LDHAL6A: variants seen among roughly 807,000 people sequenced by gnomAD.
The protein encoded by LDHAL6A is lactate dehydrogenase A like 6A.
In LDHAL6A, 19 loss-of-function variants were observed where a neutral mutation model predicts 28.2. The ratio of observed to expected loss-of-function variants is 0.67; its 90% CI spans 0.47 to 0.99. LDHAL6A has a LOEUF of 0.99. LDHAL6A is among the 50% of genes least tolerant of loss of function. The probability of loss-of-function intolerance (pLI) is 0.00; values close to 1 mark genes in which losing one functional copy is unlikely to be tolerated. For missense variants in LDHAL6A, 372 were observed against 398.6 expected (o/e 0.93, Z 0.57); for synonymous variants, 144 against 134.4 (o/e 1.07, Z -0.49).
chr11:18,466,278 A>G (rs1849070693), intron 3 of LDHAL6A, among the ~76,000 whole-genome samples: 1 of 84,406 alleles, frequency 1.2e-5, no homozygotes, highest in Admixed American at 1.3e-4. Context: ...CACCAGTATA[A>G]TTCCAGAATC....
rs1211687567 is a variant in LDHAL6A at position 18,479,312 on chromosome 11, CACTT to C, written c.*443_*446del. ...GATTTAGTATCCAGATGATAGATGACACTTTTTTTTTTTTTTTTTTAAAGTGACG... is the reference window on the plus strand; with the variant it reads ...GATTTAGTATCCAGATGATAGATGACTTTTTTTTTTTTTTTTAAAGTGACG... On this transcript the variant is annotated 3_prime_UTR_variant, in exon 7 of 7. Coordinates refer to ENST00000280706, the MANE Select transcript of LDHAL6A (RefSeq NM_144972.5). The C allele has an allele frequency of 2.8e-5, 4 of 145,394 alleles. No individual in the cohort carries two copies. The highest frequency in any genetic ancestry group is 1.1e-4 in the African/African-American group (4 of 38,040). 9.0% of individuals were successfully genotyped at this position (145,394 alleles called of 1,614,324 possible).
chr11:18,457,019 G>C (rs1848777268), intron 1 of LDHAL6A, among the ~76,000 whole-genome samples: 1 of 152,184 alleles, frequency 6.6e-6, no homozygotes, highest in Non-Finnish European at 1.5e-5. Context: ...AAGCATCTCT[G>C]TGAAAGTATG....
At chr11:18,463,806 T>C (rs954550212) in intron 1 of LDHAL6A, among the ~76,000 whole-genome samples, 155 bp from the exon 2 acceptor site, 4 of 152,366 alleles carry the variant, frequency 2.6e-5, no homozygotes, top group South Asian at 4.1e-4. Flanking sequence ...GTTTAGACTT[T>C]TATATCATGA....
rs532009378 is a variant in LDHAL6A at position 18,478,903 on chromosome 11, T to C, written c.*33T>C. 3 of 1,545,240 alleles carry C rather than the reference T, an allele frequency of 1.9e-6. No individual in the cohort carries two copies. The highest frequency in any genetic ancestry group is 2.8e-5 in the African/African-American group (2 of 72,636). ...TAAAGCTAATTCTGTAGATTGAAGA[T>C]GAAATAGTAGTTATGGAATTGTATA... On this transcript the variant is annotated 3_prime_UTR_variant, in exon 7 of 7. Transcript: ENST00000280706.
At position 18,465,782 on chromosome 11, in the gene LDHAL6A, C is replaced by T; in HGVS notation, c.390C>T (p.His130=). 1.9e-6 allele frequency: 3 copies of T among 1,611,380 alleles called. No homozygotes were observed. Among genetic ancestry groups the T allele is most frequent in the Non-Finnish European group, 2.5e-6 (3 of 1,179,130 alleles). ...CCAATATTACCCAGTACAGTCCTCA[C>T]TGCAAACTGCTTATTGTTACTAATC... The part of the protein sequence containing the change: ...MIPNITQYSP[H]CKLLIVTNPV... The change falls in exon 3 of 7, where the codon CAC becomes CAT. Residue 130 remains histidine (H), a synonymous_variant. Coordinates refer to ENST00000280706, the MANE Select transcript of LDHAL6A (RefSeq NM_144972.5).
At position 18,475,595 on chromosome 11, in the gene LDHAL6A, A is replaced by C. The variant is rs1565075528; in HGVS notation, c.548A>C (p.Glu183Ala). The C allele has an allele frequency of 6.2e-7, 1 of 1,614,140 alleles. No homozygotes were observed. Among genetic ancestry groups the C allele is most frequent in the Non-Finnish European group, 8.5e-7 (1 of 1,180,022 alleles). ...FIGQRLGIHS[E>A]SCHGLILGEH... The stretch of plus-strand genomic sequence containing the variant: ...GGGCAAAGGCTTGGCATCCACTCTG[A>C]AAGCTGTCATGGGCTGATCCTTGGA... Residue 183 changes from glutamate to alanine, a missense_variant, in exon 4 of 7, where the codon GAA becomes GCA. Glu to Ala is a moderately radical substitution (Grantham distance 107, BLOSUM62 -1). This residue lies in a region of LDHAL6A where 291 missense variants were observed against 302.9 expected (regional missense o/e 0.96). Coordinates refer to ENST00000280706, the MANE Select transcript of LDHAL6A (RefSeq NM_144972.5).
intron 6 of LDHAL6A, among the ~76,000 whole-genome samples, chr11:18,478,376 T>A (rs1219716980): frequency 1.3e-5 from 2 of 152,060 alleles, no homozygotes; most frequent in Non-Finnish European, 2.9e-5. Flanking sequence ...AACTGAACAA[T>A]AAATATGTCT....
In LDHAL6A at chr11:18,456,632, A is replaced by G; in HGVS notation, c.-49A>G. ...GGAATTCCAAGCCATTTCCAATTCC[A>G]GGTCTTGGAAATGGCTGTGCAATTT... On this transcript the variant is annotated 5_prime_UTR_variant, in exon 1 of 7. Transcript: ENST00000280706. The G allele has an allele frequency of 6.3e-7, 1 of 1,587,524 alleles. No individual in the cohort carries two copies. The highest frequency in any genetic ancestry group is 8.6e-7 in the Non-Finnish European group (1 of 1,158,120).
rs1849485362 is a variant in LDHAL6A at position 18,479,506 on chromosome 11, C to CT, written c.*637dup. The CT allele has an allele frequency of 6.6e-6, 1 of 151,836 alleles. No individual in the cohort carries two copies. Among genetic ancestry groups the CT allele is most frequent in the African/African-American group, 2.4e-5 (1 of 41,266 alleles). 9.4% of individuals were successfully genotyped at this position (151,836 alleles called of 1,614,324 possible). ...CTTAATACCTATGTTCATTTACATG[C>CT]TATCTCTACAATGTAAAAATAAAAG... On this transcript the variant is annotated 3_prime_UTR_variant, in exon 7 of 7. Transcript: ENST00000280706.
chr11:18,464,977 G>GTTTGTTTTTTTTTT (rs1849013732), intron 2 of LDHAL6A, among the ~76,000 whole-genome samples: 7 of 125,564 alleles, frequency 5.6e-5, no homozygotes, highest in Middle Eastern at 4.2e-3. Flanking sequence ...TGTTTTTTTT[G>GTTTGTTTTTTTTTT]TTTTTTTTTG....
intron 3 of LDHAL6A, among the ~76,000 whole-genome samples, chr11:18,467,880 C>A (rs12786468): frequency 2.3e-5 from 1 of 44,412 alleles, no homozygotes; most frequent in Non-Finnish European, 3.5e-5. Context: ...TATATACACA[C>A]ATATATATAT....
At chr11:18,470,814 G>A (rs1409160329) in intron 3 of LDHAL6A, among the ~76,000 whole-genome samples, 1 of 151,794 alleles carries the variant, frequency 6.6e-6, no homozygotes, top group Non-Finnish European at 1.5e-5. Flanking sequence ...AGCCTCCCAA[G>A]TAGCTGGAAT....
chr11:18,467,424 C>T (rs1249139337), intron 3 of LDHAL6A, among the ~76,000 whole-genome samples: 2 of 152,092 alleles, frequency 1.3e-5, no homozygotes, highest in African/African-American at 4.8e-5. Flanking sequence ...TTACTACATA[C>T]GTTTTTCTCC....
chr11:18,468,069 A>ATACG (rs1849165982), intron 3 of LDHAL6A, among the ~76,000 whole-genome samples: 1 of 119,676 alleles, frequency 8.4e-6, no homozygotes, highest in African/African-American at 3.2e-5. Context: ...ATACATATAT[A>ATACG]TATATATATT....
Position 18,477,748 on chromosome 11 carries a change from G to T in LDHAL6A, c.834+5G>T. 2 of 1,589,082 alleles carry T rather than the reference G, an allele frequency of 1.3e-6. No homozygotes were observed. The highest frequency in any genetic ancestry group is 1.7e-6 in the Non-Finnish European group (2 of 1,171,418). On this transcript the variant is annotated splice_donor_5th_base_variant and intron_variant, in intron 6 of 6. Coordinates refer to ENST00000280706, the MANE Select transcript of LDHAL6A (RefSeq NM_144972.5). The stretch of plus-strand genomic sequence containing the variant: ...CCAGTTTCTACCCTAAGTAAGGTAG[G>T]ACATTCATGTTCGAAAAATCATTAA...
At chr11:18,476,569 G>C in intron 5 of LDHAL6A, 68 bp downstream of exon 5, 1 of 1,549,820 alleles carries the variant, frequency 6.5e-7, no homozygotes, top group Non-Finnish European at 8.7e-7. Flanking sequence ...AGAAGGTTGA[G>C]ATTAGTCCCT....
chr11:18,460,026 T>G (rs1006040458), intron 1 of LDHAL6A, among the ~76,000 whole-genome samples: 2 of 152,226 alleles, frequency 1.3e-5, no homozygotes, highest in Admixed American at 6.5e-5. Context: ...GATGTTGACC[T>G]CAGTTACCTG....
intron 2 of LDHAL6A, among the ~76,000 whole-genome samples, chr11:18,464,977 G>GTTTGTTTGTTTTTTTTTTTTT (rs1849013732): frequency 8.0e-6 from 1 of 125,490 alleles, no homozygotes; most frequent in African/African-American, 3.4e-5. Context: ...TGTTTTTTTT[G>GTTTGTTTGTTTTTTTTTTTTT]TTTTTTTTTG....
At chr11:18,457,396 G>T (rs1020581569) in intron 1 of LDHAL6A, among the ~76,000 whole-genome samples, 10 of 152,116 alleles carry the variant, frequency 6.6e-5, no homozygotes, top group Non-Finnish European at 1.2e-4. Flanking sequence ...TTACCATAAA[G>T]TTTTAATAAA....
Sources: gnomAD v4.1 joint callset for allele counts (sites outside exome capture counted in the v4.1 genomes callset) on GRCh38, gnomAD v4.1.1 for gene constraint, gnomAD v4.1.1 regional missense constraint, MANE v1.5 for transcripts, NCBI Gene and HGNC (gene_info 2026-07-23, HGNC 2026-07-21) for gene names.